Variants in LINGO2 observed in about 807,000 individuals in gnomAD.
LINGO2 encodes leucine rich repeat and Ig domain containing 2.
In LINGO2, 14 loss-of-function variants were observed where a neutral mutation model predicts 30.6. That is an observed-to-expected ratio of 0.46 (90% CI 0.30 to 0.72). The LOEUF (loss-of-function observed/expected upper bound fraction) is 0.72, where lower values mean the gene tolerates loss of function less well. LINGO2 is among the 30% of genes least tolerant of loss of function. The pLI, the probability that LINGO2 is intolerant of heterozygous loss-of-function variation, is 0.07. For synonymous variants in LINGO2, 317 were observed against 288.5 expected (o/e 1.10, Z -1.00); for missense variants, 729 against 751.7 (o/e 0.97, Z 0.35).
At chr9:29,087,776 T>C in the LINGO2 span, among the ~76,000 whole-genome samples, 1 of 151,968 alleles carries the variant, frequency 6.6e-6, no homozygotes, top group African/African-American at 2.4e-5. Context: ...CCTCATTCCT[T>C]GGAAAAAAAA....
the LINGO2 span, among the ~76,000 whole-genome samples, chr9:29,018,943 A>G: frequency 7.6e-3 from 1,156 of 152,274 alleles, 5 homozygotes; most frequent in Non-Finnish European, 0.011. Flanking sequence ...AGCTCTTCTC[A>G]CTTTTATTTT....
At chr9:28,411,279 C>G (rs1275940952) in intron 2 of LINGO2, among the ~76,000 whole-genome samples, 2 of 152,078 alleles carry the variant, frequency 1.3e-5, no homozygotes, top group Admixed American at 6.6e-5. Flanking sequence ...ATTTCAAAAT[C>G]TATCAAGTTT....
intron 4 of LINGO2, among the ~76,000 whole-genome samples, chr9:28,265,973 TAA>T (rs1822735727): frequency 6.6e-6 from 1 of 151,998 alleles, no homozygotes; most frequent in South Asian, 2.1e-4. Context: ...TCTGAGATGA[TAA>T]GGATGGAGTC....
intron 1 of LINGO2, among the ~76,000 whole-genome samples, chr9:28,582,022 G>A (rs1049957953): frequency 6.6e-6 from 1 of 151,876 alleles, no homozygotes; most frequent in African/African-American, 2.4e-5. Context: ...CTCTATGTTT[G>A]TGAGACATGT....
At chr9:28,510,392 G>T (rs2135358500) in intron 1 of LINGO2, among the ~76,000 whole-genome samples, 1 of 151,998 alleles carries the variant, frequency 6.6e-6, no homozygotes, top group South Asian at 2.1e-4. Context: ...ATCTAAAAAA[G>T]AATGTTATTA....
the LINGO2 span, among the ~76,000 whole-genome samples, chr9:28,914,455 T>C: frequency 6.6e-6 from 1 of 152,180 alleles, no homozygotes; most frequent in Admixed American, 6.5e-5. Flanking sequence ...ACCATTTTCT[T>C]ATGCAAATAA....
intron 4 of LINGO2, among the ~76,000 whole-genome samples, chr9:28,073,808 G>A: frequency 6.6e-6 from 1 of 152,156 alleles, no homozygotes; most frequent in Non-Finnish European, 1.5e-5. Context: ...TAGGAGGATG[G>A]GTTGAGGCCA....
the LINGO2 span, among the ~76,000 whole-genome samples, chr9:28,704,312 G>C: frequency 6.6e-6 from 1 of 151,960 alleles, no homozygotes; most frequent in East Asian, 1.9e-4. Flanking sequence ...TGCTTCCCTG[G>C]AGGTGAGGTA....
intron 2 of LINGO2, among the ~76,000 whole-genome samples, chr9:28,414,125 C>G (rs961399807): frequency 4.0e-5 from 6 of 151,878 alleles, no homozygotes; most frequent in Non-Finnish European, 7.4e-5. Flanking sequence ...AAGCTTTCTA[C>G]CCCAGGGCTT....
the LINGO2 span, among the ~76,000 whole-genome samples, chr9:29,188,014 C>CTTTTTTTTT: frequency 3.3e-4 from 25 of 75,776 alleles, no homozygotes; most frequent in Admixed American, 4.4e-4. Flanking sequence ...TTGACAGAGT[C>CTTTTTTTTT]TTTTTTTTTT....
the LINGO2 span, among the ~76,000 whole-genome samples, chr9:28,858,196 C>A: frequency 6.6e-6 from 1 of 151,946 alleles, no homozygotes; most frequent in Non-Finnish European, 1.5e-5. Flanking sequence ...GATTTCGCTT[C>A]TCTGGCTTTA....
rs115008208 is a variant in LINGO2 at position 28,305,200 on chromosome 9, C to A, written c.-245-9834G>T. 1.3e-3 allele frequency among the ~76,000 whole-genome samples: 202 copies of A among 152,044 alleles called. 1 individual carries two copies. The highest frequency in any genetic ancestry group is 4.7e-3 in the African/African-American group (194 of 41,512). On this transcript the variant is annotated intron_variant, in intron 3 of 5. Transcript: ENST00000379992. Reference sequence around the variant, plus strand: ...ATCAATTCCTCATAAAAACTTTAAACAAACTGGGACTAGAAAGAAATTTCT... The same window carrying A: ...ATCAATTCCTCATAAAAACTTTAAAAAAACTGGGACTAGAAAGAAATTTCT...
At chr9:28,689,964 T>C in the LINGO2 span, among the ~76,000 whole-genome samples, 7 of 152,172 alleles carry the variant, frequency 4.6e-5, no homozygotes, top group African/African-American at 1.4e-4. Context: ...AGCAAACCAA[T>C]GCAGAAACAG....
intron 4 of LINGO2, among the ~76,000 whole-genome samples, chr9:28,088,621 G>A (rs1368172922): frequency 1.3e-5 from 2 of 151,450 alleles, no homozygotes; most frequent in African/African-American, 4.8e-5. Flanking sequence ...CCTTTAGCAC[G>A]GGATTAAGAC....
At chr9:28,294,449 C>G (rs1209640368) in intron 4 of LINGO2, among the ~76,000 whole-genome samples, 6 of 152,102 alleles carry the variant, frequency 3.9e-5, no homozygotes, top group African/African-American at 1.4e-4. Context: ...AAAATTTCGA[C>G]AGTCTTAGAG....
chr9:28,775,944 CAGA>C, the LINGO2 span, among the ~76,000 whole-genome samples: 10 of 152,024 alleles, frequency 6.6e-5, no homozygotes, highest in Non-Finnish European at 1.3e-4. Flanking sequence ...CTTCAAAATC[CAGA>C]AGGACATTTG....
chr9:28,828,029 A>C, the LINGO2 span, among the ~76,000 whole-genome samples: 1 of 151,976 alleles, frequency 6.6e-6, no homozygotes, highest in Non-Finnish European at 1.5e-5. Flanking sequence ...CATAATGGCT[A>C]TCTTTGGGGA....
At chr9:28,027,095 T>C (rs1205379686) in intron 4 of LINGO2, among the ~76,000 whole-genome samples, 4 of 152,216 alleles carry the variant, frequency 2.6e-5, no homozygotes, top group Non-Finnish European at 5.9e-5. Context: ...CATAATACAT[T>C]ACTAAACAGA....
At chr9:28,094,829 G>T (rs66858782) in intron 4 of LINGO2, among the ~76,000 whole-genome samples, 13,125 of 151,984 alleles carry the variant, frequency 0.086, 623 homozygotes, top group Middle Eastern at 0.13. Flanking sequence ...TAATTGTGAA[G>T]TTCTTAAAAG....
Sources: allele counts gnomAD v4.1 joint callset (sites outside exome capture counted in the v4.1 genomes callset), GRCh38; gene constraint gnomAD v4.1.1; transcripts MANE v1.5; gene names NCBI Gene and HGNC (gene_info 2026-07-23, HGNC 2026-07-21).